GPRC6A: variants seen among roughly 807,000 people sequenced by gnomAD.
The protein encoded by GPRC6A is G protein-coupled receptor class C group 6 member A, also known as G protein-coupled receptor family C group 6 member A.
A neutral mutation model predicts 47.0 loss-of-function variants in GPRC6A; 54 were observed. The ratio of observed to expected loss-of-function variants is 1.15; its 90% CI spans 0.92 to 1.44. The LOEUF (loss-of-function observed/expected upper bound fraction) is 1.44. Among genes scored for constraint, GPRC6A ranks in the 40% most tolerant of loss-of-function variants. The pLI, the probability that GPRC6A is intolerant of heterozygous loss-of-function variation, is 0.00. For missense variants in GPRC6A, 1,112 were observed against 1,105.5 expected, an observed-to-expected ratio of 1.01 and a Z score of -0.08; for synonymous variants, 347 against 377.1, an observed-to-expected ratio of 0.92 and a Z score of 0.93.
chr6:116,815,612 T>G (rs1275548117), intron 1 of GPRC6A, among the ~76,000 whole-genome samples: 1 of 152,200 alleles, frequency 6.6e-6, no homozygotes, highest in Non-Finnish European at 1.5e-5. Context: ...GGCCATATAT[T>G]AGGCCATAAA....
At chr6:116,819,528 C>A (rs1268036298) in intron 1 of GPRC6A, among the ~76,000 whole-genome samples, 1 of 152,134 alleles carries the variant, frequency 6.6e-6, no homozygotes, top group Non-Finnish European at 1.5e-5. Context: ...ACAGTGCAAT[C>A]AAACTAGAAC....
intron 3 of GPRC6A, among the ~76,000 whole-genome samples, chr6:116,805,249 G>A (rs1053638856): frequency 7.9e-5 from 12 of 151,786 alleles, no homozygotes; most frequent in African/African-American, 2.9e-4. Context: ...TTCATAAGGT[G>A]AAAAGTAGTT....
intron 2 of GPRC6A, among the ~76,000 whole-genome samples, chr6:116,808,901 C>G (rs1446605266): frequency 6.6e-6 from 1 of 151,906 alleles, no homozygotes; most frequent in African/African-American, 2.4e-5. Flanking sequence ...ATAAATAGTT[C>G]TACAGTCTTT....
intron 1 of GPRC6A, among the ~76,000 whole-genome samples, chr6:116,822,707 G>A (rs1482593678): frequency 7.3e-6 from 1 of 136,428 alleles, no homozygotes; most frequent in Non-Finnish European, 1.5e-5. Context: ...TCTGGGAACT[G>A]TTGTGGGTTG....
intron 1 of GPRC6A, among the ~76,000 whole-genome samples, chr6:116,819,178 C>A (rs1168565983): frequency 1.3e-5 from 2 of 151,874 alleles, no homozygotes; most frequent in Non-Finnish European, 2.9e-5. Flanking sequence ...TATATATGCA[C>A]CCAACACAGG....
intron 1 of GPRC6A, among the ~76,000 whole-genome samples, chr6:116,821,548 T>G (rs1006922619): frequency 6.6e-6 from 1 of 151,968 alleles, no homozygotes; most frequent in African/African-American, 2.4e-5. Flanking sequence ...CCCTCAGAAA[T>G]AACGTCACAT....
intron 4 of GPRC6A, among the ~76,000 whole-genome samples, chr6:116,796,935 A>G (rs1235964468): frequency 6.6e-6 from 1 of 152,176 alleles, no homozygotes; most frequent in Admixed American, 6.5e-5. Flanking sequence ...CACGATGTGC[A>G]GGTTAGTTAC....
chr6:116,822,906 A>AAAAAG (rs1773549068), intron 1 of GPRC6A, among the ~76,000 whole-genome samples: 1 of 150,700 alleles, frequency 6.6e-6, no homozygotes, highest in African/African-American at 2.4e-5. Context: ...AAAAAAAAAA[A>AAAAAG]AAAGAAAGAA....
intron 3 of GPRC6A, among the ~76,000 whole-genome samples, chr6:116,805,604 A>G (rs1364540853): frequency 1.4e-5 from 2 of 142,102 alleles, no homozygotes. Context: ...TGCCTTGTTC[A>G]AGGGCATTTG....
chr6:116,817,228 C>T (rs1427682570), intron 1 of GPRC6A, among the ~76,000 whole-genome samples: 1 of 151,804 alleles, frequency 6.6e-6, no homozygotes, highest in Non-Finnish European at 1.5e-5. Context: ...GGTCCCTGAC[C>T]CCTGACCCCC....
chr6:116,803,790 A>G (rs1015751441), intron 3 of GPRC6A, among the ~76,000 whole-genome samples: 38 of 152,170 alleles, frequency 2.5e-4, no homozygotes, highest in Middle Eastern at 3.4e-3. Context: ...GCATTCACAT[A>G]GAGGTCATGT....
intron 4 of GPRC6A, among the ~76,000 whole-genome samples, chr6:116,797,671 C>G (rs1411153742): frequency 6.6e-6 from 1 of 152,156 alleles, no homozygotes; most frequent in Non-Finnish European, 1.5e-5. Flanking sequence ...AGTGAATTCC[C>G]TACAGAGTCT....
At chr6:116,821,190 C>T (rs955444117) in intron 1 of GPRC6A, among the ~76,000 whole-genome samples, 1 of 151,890 alleles carries the variant, frequency 6.6e-6, no homozygotes, top group African/African-American at 2.4e-5. Context: ...CTACAAACCA[C>T]TGCTCAAGGA....
intron 1 of GPRC6A, among the ~76,000 whole-genome samples, chr6:116,821,651 A>G (rs1303141580): frequency 1.3e-5 from 2 of 152,142 alleles, no homozygotes; most frequent in Non-Finnish European, 2.9e-5. Context: ...AAAACTGGCT[A>G]GCCATATGTA....
chr6:116,825,339 A>G (rs114231316), intron 1 of GPRC6A, among the ~76,000 whole-genome samples: 1,675 of 152,176 alleles, frequency 0.011, 31 homozygotes, highest in African/African-American at 0.038. Flanking sequence ...AGAAATACCA[A>G]AAGACTCCAC....
chr6:116,824,468 A>G (rs941858646), intron 1 of GPRC6A, among the ~76,000 whole-genome samples: 2 of 151,978 alleles, frequency 1.3e-5, no homozygotes, highest in Admixed American at 1.3e-4. Flanking sequence ...AGGAACAATT[A>G]TATGCTAATA....
chr6:116,815,986 T>C (rs774137546), intron 1 of GPRC6A, among the ~76,000 whole-genome samples: 2 of 152,204 alleles, frequency 1.3e-5, no homozygotes, highest in Admixed American at 6.5e-5. Flanking sequence ...TCTCAGGACA[T>C]ACACAATCAA....
chr6:116,825,505 C>T (rs1340358870), intron 1 of GPRC6A, among the ~76,000 whole-genome samples: 3 of 151,772 alleles, frequency 2.0e-5, no homozygotes, highest in African/African-American at 4.8e-5. Flanking sequence ...ATAAATTTAA[C>T]CAAGGAGGTG....
At chr6:116,807,787 C>T (rs2114597242) in intron 2 of GPRC6A, among the ~76,000 whole-genome samples, 1 of 152,194 alleles carries the variant, frequency 6.6e-6, no homozygotes, top group South Asian at 2.1e-4. Flanking sequence ...CCTGAAAGCT[C>T]AAGAGCATGA....
Sources: allele counts gnomAD v4.1 joint callset (sites outside exome capture counted in the v4.1 genomes callset), GRCh38; gene constraint gnomAD v4.1.1; transcripts MANE v1.5; gene names NCBI Gene and HGNC (gene_info 2026-07-23, HGNC 2026-07-21).